The following PSMG4 variants were observed in gnomAD, a reference collection of about 807,000 sequenced individuals.
PSMG4 encodes the protein proteasome (prosome, macropain) assembly chaperone 4.
A neutral mutation model predicts 11.0 loss-of-function variants in PSMG4; 10 were observed. The observed-to-expected ratio is 0.91, with a 90% CI of 0.56 to 1.54. The LOEUF (loss-of-function observed/expected upper bound fraction) is 1.54. Among genes scored for constraint, PSMG4 ranks in the 40% most tolerant of loss-of-function variants. The probability of loss-of-function intolerance (pLI) is 0.00; values close to 1 mark genes in which losing one functional copy is unlikely to be tolerated. For synonymous variants in PSMG4, 95 were observed against 71.3 expected, an observed-to-expected ratio of 1.33 and a Z score of -1.68; for missense variants, 198 against 160.9, an observed-to-expected ratio of 1.23 and a Z score of -1.25.
chr6:3,256,394 C>G (rs1757767380), upstream of PSMG4, among the ~76,000 whole-genome samples: 1 of 152,196 alleles, frequency 6.6e-6, no homozygotes, highest in South Asian at 2.1e-4. Context: ...TGGATGGTTC[C>G]CCACTCGAGA....
chr6:3,262,170 C>G (rs1015639254), intron 1 of PSMG4, among the ~76,000 whole-genome samples: 8 of 152,302 alleles, frequency 5.3e-5, no homozygotes, highest in African/African-American at 1.9e-4. Flanking sequence ...TTCTTGGACC[C>G]CCCGCCCGGC....
chr6:3,255,292 C>T (rs142632842), upstream of PSMG4: 22 of 1,528,846 alleles, frequency 1.4e-5, no homozygotes, highest in East Asian at 3.7e-4. Context: ...TATCGGTGCC[C>T]ATCCTGGGAG....
upstream of PSMG4, among the ~76,000 whole-genome samples, chr6:3,254,474 T>C (rs909267496): frequency 1.3e-5 from 2 of 152,050 alleles, no homozygotes; most frequent in South Asian, 2.1e-4. Context: ...TCTTTTTAGA[T>C]AAATATTGTT....
upstream of PSMG4, among the ~76,000 whole-genome samples, chr6:3,257,901 AAATT>A (rs1305860948): frequency 2.6e-5 from 4 of 152,232 alleles, no homozygotes; most frequent in Non-Finnish European, 4.4e-5. Flanking sequence ...ATTGACCTGA[AAATT>A]AACTGTATTA....
chr6:3,257,377 A>G (rs1465379026), upstream of PSMG4, among the ~76,000 whole-genome samples: 1 of 152,206 alleles, frequency 6.6e-6, no homozygotes, highest in East Asian at 1.9e-4. Context: ...AGACATGTAT[A>G]ACCAGTGAAA....
chr6:3,254,652 C>T (rs559431892), upstream of PSMG4, among the ~76,000 whole-genome samples: 14 of 152,104 alleles, frequency 9.2e-5, no homozygotes, highest in South Asian at 2.1e-4. Context: ...AGGCCTACAG[C>T]TTTGTTCCTT....
At chr6:3,264,125 C>T (rs755231849) in intron 2 of PSMG4, 2 of 1,530,840 alleles carry the variant, frequency 1.3e-6, no homozygotes, top group African/African-American at 2.7e-5. Flanking sequence ...CCTCCCGGGC[C>T]TTAGGAGGAG....
chr6:3,254,904 T>A (rs1005264738), upstream of PSMG4: 5 of 857,310 alleles, frequency 5.8e-6, no homozygotes, highest in South Asian at 1.8e-5. Context: ...AAGTGAATGA[T>A]CTCTGAGCTG....
upstream of PSMG4, among the ~76,000 whole-genome samples, chr6:3,255,495 C>T (rs994463442): frequency 6.6e-6 from 1 of 152,160 alleles, no homozygotes; most frequent in Non-Finnish European, 1.5e-5. Context: ...GGTACCTAAA[C>T]TGCCTGGCCA....
chr6:3,263,827 C>T (rs1758084729), intron 2 of PSMG4, 68 bp downstream of exon 2: 1 of 1,517,052 alleles, frequency 6.6e-7, no homozygotes, highest in Non-Finnish European at 8.9e-7. Flanking sequence ...AACCATGAAG[C>T]AAGTCCCTTC....
chr6:3,254,746 CTT>C (rs1012826013), upstream of PSMG4, among the ~76,000 whole-genome samples: 7 of 152,018 alleles, frequency 4.6e-5, no homozygotes, highest in African/African-American at 1.2e-4. Context: ...CCCTGTGCCT[CTT>C]TTAAAAACTG....
chr6:3,255,058 C>T (rs1433814036), upstream of PSMG4: 3 of 1,550,626 alleles, frequency 1.9e-6, no homozygotes, highest in Non-Finnish European at 2.6e-6. Context: ...CAGGAACAAA[C>T]ACACTTGGAA....
intron 1 of PSMG4, among the ~76,000 whole-genome samples, chr6:3,261,941 GA>G (rs1758007254): frequency 6.6e-6 from 1 of 152,230 alleles, no homozygotes; most frequent in South Asian, 2.1e-4. Flanking sequence ...CCCACACGTG[GA>G]GAATGGCACC....
intron 2 of PSMG4, chr6:3,266,126 C>G (rs949574078): frequency 2.6e-5 from 4 of 152,124 alleles, no homozygotes; most frequent in Non-Finnish European, 5.9e-5. Context: ...AGCGGAAAAA[C>G]AGGCTTTTGG....
chr6:3,260,289 A>T (rs1458648419), intron 1 of PSMG4, among the ~76,000 whole-genome samples: 2,365 of 30,986 alleles, frequency 0.076, 157 homozygotes, highest in African/African-American at 0.24. Context: ...ATATATATAT[A>T]TATTTTTTTT....
rs563530189 is a variant in PSMG4 at position 3,259,110 on chromosome 6, G to A, written c.88G>A (p.Val30Ile). 710 of 1,279,012 alleles carry A rather than the reference G, an allele frequency of 5.6e-4. 2 individuals are homozygous for A. The highest frequency in any genetic ancestry group is 5.9e-4 in the South Asian group (21 of 35,676). The allele number at this position is 1,279,012 out of a possible 1,614,324, so 79.2% of individuals were successfully genotyped here. The change falls in exon 1 of 3, where the codon GTC becomes ATC. Residue 30 changes from valine to isoleucine, a missense_variant. Transcript: ENST00000438998. The stretch of plus-strand genomic sequence containing the variant: ...GTGGGAGCAGCTGGTCCACTTCCAC[G>A]TCATGCGGCTGACGGACTCGCTGTT... Reference protein sequence around the residue: ...RLWEQLVHFHVMRLTDSLFLW... With the variant: ...RLWEQLVHFHIMRLTDSLFLW...
chr6:3,265,276 C>T (rs1739414081), intron 2 of PSMG4: 1 of 46,284 alleles, frequency 2.2e-5, no homozygotes. Flanking sequence ...TCTGGGCCCT[C>T]AAGTTGAAAA....
At chr6:3,254,442 A>C (rs965376214), upstream of PSMG4, among the ~76,000 whole-genome samples, 1 of 77,638 alleles carries the variant, frequency 1.3e-5, no homozygotes, top group African/African-American at 3.1e-5. Context: ...GTGCTGTAAT[A>C]GTTTTCTGCT....
intron 1 of PSMG4, among the ~76,000 whole-genome samples, chr6:3,260,291 A>ATATATATAT: frequency 2.7e-4 from 19 of 70,864 alleles, no homozygotes; most frequent in African/African-American, 9.8e-4. Flanking sequence ...ATATATATAT[A>ATATATATAT]TTTTTTTTTT....
Sources: allele counts gnomAD v4.1 joint callset (sites outside exome capture counted in the v4.1 genomes callset), GRCh38; gene constraint gnomAD v4.1.1; transcripts MANE v1.5; gene names NCBI Gene and HGNC (gene_info 2026-07-23, HGNC 2026-07-21).